Variants in PTPRN2 observed in about 807,000 individuals in gnomAD.
PTPRN2 encodes receptor-type tyrosine-protein phosphatase N2.
A neutral mutation model predicts 118.8 loss-of-function variants in PTPRN2; 74 were observed. The ratio of observed to expected loss-of-function variants is 0.62; its 90% CI spans 0.52 to 0.76. PTPRN2 has a LOEUF of 0.76. Among genes scored for constraint, PTPRN2 ranks in the 30% least tolerant of loss-of-function variants. PTPRN2 has a pLI of 0.00. For synonymous variants in PTPRN2, 641 were observed against 608.0 expected (o/e 1.05, Z -0.80); for missense variants, 1,481 against 1,394.4 (o/e 1.06, Z -0.99).
At chr7:157,624,489 A>T (rs944566894) in intron 14 of PTPRN2, among the ~76,000 whole-genome samples, 2 of 152,084 alleles carry the variant, frequency 1.3e-5, no homozygotes, top group Non-Finnish European at 2.9e-5. Context: ...AGCCTGCCTT[A>T]CACATGCTCA....
At chr7:158,095,600 G>A (rs1297931405) in intron 10 of PTPRN2, among the ~76,000 whole-genome samples, 1 of 152,072 alleles carries the variant, frequency 6.6e-6, no homozygotes, top group Non-Finnish European at 1.5e-5. Context: ...AATTCAGTCT[G>A]CCCATTCTTT....
intron 11 of PTPRN2, among the ~76,000 whole-genome samples, chr7:157,996,655 G>A (rs1313098875): frequency 6.6e-6 from 1 of 152,232 alleles, no homozygotes; most frequent in Non-Finnish European, 1.5e-5. Context: ...ACTGAGAACA[G>A]GGTCAGGGGA....
In PTPRN2 at chr7:158,517,326, C is replaced by G. The variant is rs1317523971; in HGVS notation, c.113-27541G>C. Among the ~76,000 whole-genome samples, 1 of 152,194 alleles carries G rather than the reference C, an allele frequency of 6.6e-6. No individual in the cohort carries two copies. Among genetic ancestry groups the G allele is most frequent in the Non-Finnish European group, 1.5e-5 (1 of 68,040 alleles). On this transcript the variant is annotated intron_variant, in intron 1 of 22. Coordinates refer to ENST00000389418, the MANE Select transcript of PTPRN2 (RefSeq NM_002847.5). The surrounding 1 kb of genome is among the most constrained non-coding windows in gnomAD (Gnocchi z 5.3). ...TGCGGGCAGCGCCCCCTCACAGAAC[C>G]GCAGCAACGACACCTATCACCGCCC...
At chr7:158,249,084 CCACACATATGCACACATCACACA>C (rs1796476656) in intron 3 of PTPRN2, among the ~76,000 whole-genome samples, 1 of 151,490 alleles carries the variant, frequency 6.6e-6, no homozygotes, top group African/African-American at 2.4e-5. Context: ...ACCACACACA[CCACACATATGCACACATCACACA>C]CACACATGAA....
At chr7:157,796,039 C>A (rs190543274) in intron 12 of PTPRN2, among the ~76,000 whole-genome samples, 84 of 152,346 alleles carry the variant, frequency 5.5e-4, no homozygotes, top group African/African-American at 2.0e-3. Context: ...AAATGGCCCG[C>A]CCCGTGAAAC....
chr7:158,152,098 C>T (rs545960401), intron 6 of PTPRN2, among the ~76,000 whole-genome samples: 19 of 135,906 alleles, frequency 1.4e-4, no homozygotes, highest in East Asian at 2.5e-4. Context: ...GGTGTGAACC[C>T]GGGAGGCGGA....
chr7:158,142,723 T>C (rs1295263996), intron 6 of PTPRN2, among the ~76,000 whole-genome samples: 1 of 151,986 alleles, frequency 6.6e-6, no homozygotes, highest in Non-Finnish European at 1.5e-5. Flanking sequence ...CTCAGGAAAA[T>C]ACATCTCACT....
chr7:157,833,999 G>A (rs985097100), intron 12 of PTPRN2, among the ~76,000 whole-genome samples: 46 of 152,336 alleles, frequency 3.0e-4, no homozygotes, highest in African/African-American at 7.9e-4. Context: ...AGGAGCTGGC[G>A]GATTTCTCCT....
At chr7:158,326,088 A>G (rs1803495653) in intron 2 of PTPRN2, among the ~76,000 whole-genome samples, 1 of 152,194 alleles carries the variant, frequency 6.6e-6, no homozygotes. Flanking sequence ...CCAGGGCCCC[A>G]CAGGCCATAC....
In PTPRN2 at chr7:158,527,742, CAG is replaced by C. The variant is rs369435578; in HGVS notation, c.113-37959_113-37958del. 2.3e-3 allele frequency among the ~76,000 whole-genome samples: 357 copies of C among 152,258 alleles called. 1 individual carries two copies. Among genetic ancestry groups the C allele is most frequent in the African/African-American group, 8.3e-3 (344 of 41,536 alleles). On this transcript the variant is annotated intron_variant, in intron 1 of 22. Transcript: ENST00000389418. Reference sequence around the variant, plus strand: ...GGCCATTCCCTCACCGTGACCTCTGCAGAGAGTAGAATTGTCTGTGTACATGG... The same window carrying C: ...GGCCATTCCCTCACCGTGACCTCTGCAGAGTAGAATTGTCTGTGTACATGG...
Position 158,334,650 on chromosome 7 carries a change from A to G in PTPRN2, c.164-17718T>C, listed in dbSNP as rs535216776. On this transcript the variant is annotated intron_variant, in intron 2 of 22. Transcript: ENST00000389418. The stretch of plus-strand genomic sequence containing the variant: ...CGTCACTCACACCCACACTCTCACC[A>G]TAATTGGTGACACCTGCAGACGTCA... Among the ~76,000 whole-genome samples the G allele has an allele frequency of 2.5e-4, 23 of 90,408 alleles. No homozygotes were observed. In the East Asian group the frequency reaches 6.9e-3, roughly 27 times the overall value. The allele number at this position is 90,408 out of a possible 152,430, so 59.3% of individuals were successfully genotyped here.
At chr7:157,981,533 A>G (rs1344830716) in intron 11 of PTPRN2, among the ~76,000 whole-genome samples, 1 of 152,274 alleles carries the variant, frequency 6.6e-6, no homozygotes, top group Non-Finnish European at 1.5e-5. Context: ...TTCCTGTTTT[A>G]AAAGGAGCTT....
chr7:158,207,604 G>GA (rs888894168), intron 3 of PTPRN2, among the ~76,000 whole-genome samples: 9 of 152,000 alleles, frequency 5.9e-5, no homozygotes, highest in African/African-American at 1.7e-4. Context: ...AAATTTACAA[G>GA]AAAAAAACAA....
At chr7:157,885,415 C>T (rs117327772) in intron 12 of PTPRN2, among the ~76,000 whole-genome samples, 82 of 152,310 alleles carry the variant, frequency 5.4e-4, no homozygotes, top group Non-Finnish European at 1.1e-3. Context: ...TGATGCCCAC[C>T]TGGGCAGAGA....
Position 158,509,410 on chromosome 7 carries a change from T to G in PTPRN2, c.113-19625A>C, listed in dbSNP as rs1360528902. Among the ~76,000 whole-genome samples, 1 of 152,142 alleles carries G rather than the reference T, an allele frequency of 6.6e-6. No homozygotes were observed. The highest frequency in any genetic ancestry group is 1.5e-5 in the Non-Finnish European group (1 of 68,014). ...CTCAGGCAGCACATCTAAAGGCCTC[T>G]CCAAGCCATGCACCCACCCTGCAGG... is the stretch of plus-strand genomic sequence containing the variant. On this transcript the variant is annotated intron_variant, in intron 1 of 22. Coordinates refer to ENST00000389418, the MANE Select transcript of PTPRN2 (RefSeq NM_002847.5). This position sits in a 1 kb window ranked among gnomAD's most constrained non-coding sequence, Gnocchi z 4.4.
chr7:157,559,548 AC>A (rs1799074901), intron 21 of PTPRN2, among the ~76,000 whole-genome samples: 1 of 152,154 alleles, frequency 6.6e-6, no homozygotes, highest in South Asian at 2.1e-4. Context: ...AAATGGAGCA[AC>A]CAGGCTGTGA....
intron 3 of PTPRN2, among the ~76,000 whole-genome samples, chr7:158,259,576 C>G (rs1563050129): frequency 6.6e-6 from 1 of 152,198 alleles, no homozygotes; most frequent in South Asian, 2.1e-4. Context: ...ATAACAAGAG[C>G]CCAAGAGTGG....
In PTPRN2 at chr7:157,944,218, G is replaced by A. The variant is rs77149596; in HGVS notation, c.1724-45481C>T. 1.7e-4 allele frequency among the ~76,000 whole-genome samples: 26 copies of A among 152,240 alleles called. No individual in the cohort carries two copies. The highest frequency in any genetic ancestry group is 5.1e-4 in the African/African-American group (21 of 41,558). On this transcript the variant is annotated intron_variant, in intron 11 of 22. Coordinates refer to ENST00000389418, the MANE Select transcript of PTPRN2 (RefSeq NM_002847.5). This position sits in a 1 kb window ranked among gnomAD's most constrained non-coding sequence, Gnocchi z 4.3. ...CCTTGCCACAGAAAAGGATTCTAAC[G>A]GCATTTGACAAAGATTGAGCATGGT...
intron 3 of PTPRN2, among the ~76,000 whole-genome samples, chr7:158,262,359 A>T (rs916181668): frequency 9.0e-6 from 1 of 111,322 alleles, no homozygotes; most frequent in African/African-American, 4.4e-5. Context: ...ACACACTGCA[A>T]ACATTCACTG....
Sources: gnomAD v4.1 joint callset for allele counts (sites outside exome capture counted in the v4.1 genomes callset) on GRCh38, gnomAD v4.1.1 for gene constraint, Gnocchi (gnomAD v3.1) non-coding constraint, MANE v1.5 for transcripts, NCBI Gene and HGNC (gene_info 2026-07-23, HGNC 2026-07-21) for gene names.